Variants in DPH2 observed in about 807,000 individuals in gnomAD.
DPH2 encodes the protein 2-(3-amino-3-carboxypropyl)histidine synthase subunit 2.
In DPH2, 28 loss-of-function variants were observed where a neutral mutation model predicts 42.5. The observed-to-expected ratio is 0.66, with a 90% CI of 0.49 to 0.90. The LOEUF is 0.90. Ranked by LOEUF, DPH2 falls within the 40% of genes least tolerant of loss-of-function variation. DPH2 has a pLI of 0.00. For missense variants in DPH2, 576 were observed against 636.0 expected (o/e 0.91, Z 1.01); for synonymous variants, 279 against 264.4 (o/e 1.06, Z -0.53).
chr1:43,970,167 C>G lies in DPH2; in HGVS notation c.-9C>G. 1.9e-6 allele frequency: 3 copies of G among 1,612,866 alleles called. No individual in the cohort carries two copies. The highest frequency in any genetic ancestry group is 1.7e-5 in the Admixed American group (1 of 59,884). On this transcript the variant is annotated 5_prime_UTR_variant, in exon 1 of 6. Coordinates refer to ENST00000255108, the MANE Select transcript of DPH2 (RefSeq NM_001384.5). ...TCCCCGCTGCATCCCACCACCCAAGCTGTGCCTCATGGAGTCGATGTTTAG... is the reference window on the plus strand; with the variant it reads ...TCCCCGCTGCATCCCACCACCCAAGGTGTGCCTCATGGAGTCGATGTTTAG...
At chr1:43,970,861 T>A in intron 2 of DPH2, 105 bp from the exon 3 acceptor site, 1 of 1,357,536 alleles carries the variant, frequency 7.4e-7, no homozygotes, top group Non-Finnish European at 1.0e-6. Flanking sequence ...ATTGACAATG[T>A]CTTCCTTTAA....
intron 3 of DPH2, 94 bp from the exon 4 acceptor site, chr1:43,971,293 G>A: frequency 6.5e-7 from 1 of 1,530,230 alleles, no homozygotes; most frequent in Non-Finnish European, 8.8e-7. Flanking sequence ...TATGGGCTTG[G>A]CCCCAGCCTA....
rs370141264 is a variant in DPH2 at position 43,970,620 on chromosome 1, C to G, written c.172C>G (p.Leu58Val). The change falls in exon 2 of 6, where the codon CTA (leucine) becomes GTA (valine). Residue 58 changes from leucine (L) to valine (V), a missense_variant. Physicochemically the swap from Leu to Val is conservative, Grantham distance 32. This residue lies in a region of DPH2 where 395 missense variants were observed against 435.2 expected (regional missense o/e 0.91). Transcript: ENST00000255108. Reference sequence around the variant, plus strand: ...GGTTGCCTTGCAGTTCCCTGACCAGCTATTGGGAGATGCTGTGGCTGTGGC... The same window carrying G: ...GGTTGCCTTGCAGTTCCCTGACCAGGTATTGGGAGATGCTGTGGCTGTGGC... Reference protein sequence around the residue: ...ERVALQFPDQLLGDAVAVAAR... With the variant: ...ERVALQFPDQVLGDAVAVAAR... 6.2e-7 allele frequency: 1 copy of G among 1,614,172 alleles called. No homozygotes were observed. Among genetic ancestry groups the G allele is most frequent in the East Asian group, 2.2e-5 (1 of 44,882 alleles).
chr1:43,970,035 A>T lies in DPH2; in HGVS notation c.-141A>T. The T allele has an allele frequency of 1.1e-6, 1 of 924,024 alleles. No homozygotes were observed. Among genetic ancestry groups the T allele is most frequent in the Non-Finnish European group, 1.6e-6 (1 of 628,390 alleles). The allele number at this position is 924,024 out of a possible 1,614,324, so 57.2% of individuals were successfully genotyped here. A position where few individuals can be genotyped will look rare whatever the true frequency, so the allele number is the denominator to read the frequency against. ...AGTAGTTAGGATGGCTGAAGGGGAT[A>T]CTCACCGGCTGAAGGCCGACTGTGA... is the stretch of plus-strand genomic sequence containing the variant. On this transcript the variant is annotated 5_prime_UTR_variant, in exon 1 of 6. Transcript: ENST00000255108.
At chr1:43,970,471 G>C (rs2085395934) in intron 1 of DPH2, 125 bp from the exon 2 acceptor site, 1 of 1,509,290 alleles carries the variant, frequency 6.6e-7, no homozygotes, top group Non-Finnish European at 9.1e-7. Flanking sequence ...CACCTACTAC[G>C]TGGGGCAGAG....
chr1:43,971,563 G>A lies in DPH2; in HGVS notation c.661G>A (p.Gly221Ser), dbSNP rs375192674. Residue 221 changes from glycine to serine, a missense_variant, in exon 4 of 6, where the codon GGC (glycine) becomes AGC (serine). Coordinates refer to ENST00000255108, the MANE Select transcript of DPH2 (RefSeq NM_001384.5). ...LEEYGAFYVG[G>S]SKASPDPDLD... ...AGAGTATGGTGCCTTCTATGTAGGG[G>A]GCTCTAAGGCCAGCCCTGACCCAGA... is the stretch of plus-strand genomic sequence containing the variant. 16 of 1,614,048 alleles carry A rather than the reference G, an allele frequency of 9.9e-6. No homozygotes were observed. The African/African-American group carries it at 2.0e-4, about 20-fold the overall frequency.
At position 43,971,414 on chromosome 1, in the gene DPH2, G is replaced by A. The variant is rs139828073; in HGVS notation, c.512G>A (p.Arg171Gln). ...LEALATLLRPRYLDLLVSSPA... is the reference protein window; with the variant it reads ...LEALATLLRPQYLDLLVSSPA... Reference sequence around the variant, plus strand: ...GCTTTGGCTACTCTCCTGCGCCCACGGTACCTGGACCTGCTAGTCTCCAGC... The same window carrying A: ...GCTTTGGCTACTCTCCTGCGCCCACAGTACCTGGACCTGCTAGTCTCCAGC... Residue 171 changes from arginine to glutamine, a missense_variant, in exon 4 of 6, where the codon CGG becomes CAG. Physicochemically the swap from Arg to Gln is conservative, Grantham distance 43 (BLOSUM62 1). Coordinates refer to ENST00000255108, the MANE Select transcript of DPH2 (RefSeq NM_001384.5). 64 of 1,599,604 alleles carry A rather than the reference G, an allele frequency of 4.0e-5. No individual in the cohort carries two copies. The highest frequency in any genetic ancestry group is 8.8e-5 in the South Asian group (8 of 90,446).
At position 43,972,835 on chromosome 1, in the gene DPH2, TC is replaced by T. The variant is rs1390135824; in HGVS notation, c.*299del. 3 of 339,144 alleles carry T rather than the reference TC, an allele frequency of 8.8e-6. No individual in the cohort carries two copies. The highest frequency in any genetic ancestry group is 1.7e-5 in the Non-Finnish European group (3 of 181,736). 21.0% of individuals were successfully genotyped at this position (339,144 alleles called of 1,614,324 possible). On this transcript the variant is annotated 3_prime_UTR_variant, in exon 6 of 6. Transcript: ENST00000255108. ...AGGGCAGCCCAGGACCTTTGGCCAATCCCAGTTCCCAGGCTGCAGTTGAGGG... is the reference window on the plus strand; with the variant it reads ...AGGGCAGCCCAGGACCTTTGGCCAATCCAGTTCCCAGGCTGCAGTTGAGGG...
At chr1:43,970,531 G>T in intron 1 of DPH2, 65 bp from the exon 2 acceptor site, 3 of 1,579,638 alleles carry the variant, frequency 1.9e-6, no homozygotes, top group Middle Eastern at 3.6e-4. Context: ...GCTCCTGGAA[G>T]ATTGCTTTAA....
chr1:43,972,696 C>A lies in DPH2; in HGVS notation c.*157C>A. On this transcript the variant is annotated 3_prime_UTR_variant, in exon 6 of 6. Transcript: ENST00000255108. ...TTCACAGGATAGGATCCGTCTCTGTCCTGTCCTGGCACTGGCACAAGCTCA... is the reference window on the plus strand; with the variant it reads ...TTCACAGGATAGGATCCGTCTCTGTACTGTCCTGGCACTGGCACAAGCTCA... 9.5e-7 allele frequency: 1 copy of A among 1,050,332 alleles called. No homozygotes were observed. Among genetic ancestry groups the A allele is most frequent in the Non-Finnish European group, 1.4e-6 (1 of 731,998 alleles). The allele number at this position is 1,050,332 out of a possible 1,614,324, so 65.1% of individuals were successfully genotyped here.
In DPH2 at chr1:43,972,217, G is replaced by T. The variant is rs754644091; in HGVS notation, c.1228G>T (p.Val410Leu). 6.2e-7 allele frequency: 1 copy of T among 1,614,158 alleles called. No individual in the cohort carries two copies. Among genetic ancestry groups the T allele is most frequent in the Non-Finnish European group, 8.5e-7 (1 of 1,180,026 alleles). ...GTCAGAGCTGTGGGAAACCCCAGACGTGTCACTCATTACTGGAGATCTCCG... is the reference window on the plus strand; with the variant it reads ...GTCAGAGCTGTGGGAAACCCCAGACTTGTCACTCATTACTGGAGATCTCCG... ...PESELWETPD[V>L]SLITGDLRPP... The change falls in exon 5 of 6, where the codon GTG becomes TTG. Residue 410 changes from valine to leucine, a missense_variant. Val to Leu is a conservative substitution (Grantham distance 32, BLOSUM62 1). Transcript: ENST00000255108.
intron 5 of DPH2, 21 bp downstream of exon 5, chr1:43,972,355 T>C (rs2085452197): frequency 1.2e-6 from 2 of 1,613,486 alleles, no homozygotes; most frequent in African/African-American, 2.7e-5. Context: ...AAGTCTCCAC[T>C]CCCAGCTGAG....
At position 43,971,698 on chromosome 1, in the gene DPH2, C is replaced by T. The variant is rs200730877; in HGVS notation, c.796C>T (p.Arg266Trp). 56 of 1,613,488 alleles carry T rather than the reference C, an allele frequency of 3.5e-5. No homozygotes were observed. The highest frequency in any genetic ancestry group is 3.3e-4 in the Middle Eastern group (2 of 6,062). Residue 266 changes from arginine (R) to tryptophan (W), a missense_variant, in exon 4 of 6, where the codon CGG becomes TGG. By Grantham distance (101) the Arg-to-Trp change is moderately radical (BLOSUM62 -3). Around this residue, in one of 3 missense-constraint regions of DPH2, gnomAD observed 395 missense variants for 435.2 expected, o/e 0.91. Coordinates refer to ENST00000255108, the MANE Select transcript of DPH2 (RefSeq NM_001384.5). ...TCAGGATGAGGGTGCCCGGGCTGGA[C>T]GGCTAAGGGCACGAAGACGATATCT... ...KTQDEGARAG[R>W]LRARRRYLVE... is the part of the protein sequence containing the mutation.
chr1:43,970,015 T>C lies in DPH2; in HGVS notation c.-161T>C. 1.3e-6 allele frequency: 1 copy of C among 793,144 alleles called. No homozygotes were observed. Among genetic ancestry groups the C allele is most frequent in the South Asian group, 1.9e-5 (1 of 53,796 alleles). The allele number at this position is 793,144 out of a possible 1,614,324, so 49.1% of individuals were successfully genotyped here. ...CCCACGTGTAGCGGAGAAACAGTAG[T>C]TAGGATGGCTGAAGGGGATACTCAC... On this transcript the variant is annotated 5_prime_UTR_variant, in exon 1 of 6. Transcript: ENST00000255108.
In DPH2 at chr1:43,970,245, A is replaced by C; in HGVS notation, c.70A>C (p.Thr24Pro). ...QRETGVPGLL[T>P]PLPDLDGVYE... ...AGAGACCGGGGTGCCAGGACTGCTT[A>C]CTCCTCTTCCGGACCTGGACGGAGT... is the stretch of plus-strand genomic sequence containing the variant. The change falls in exon 1 of 6, where the codon ACT becomes CCT. Residue 24 changes from threonine to proline, a missense_variant. By Grantham distance (38) the Thr-to-Pro change is conservative. This residue lies in a region of DPH2 where 395 missense variants were observed against 435.2 expected (regional missense o/e 0.91). Coordinates refer to ENST00000255108, the MANE Select transcript of DPH2 (RefSeq NM_001384.5). 1 of 1,614,026 alleles carries C rather than the reference A, an allele frequency of 6.2e-7. No individual in the cohort carries two copies. The highest frequency in any genetic ancestry group is 8.5e-7 in the Non-Finnish European group (1 of 1,180,006).
chr1:43,972,852 C>T lies in DPH2; in HGVS notation c.*313C>T. 1 of 325,262 alleles carries T rather than the reference C, an allele frequency of 3.1e-6. No individual in the cohort carries two copies. Among genetic ancestry groups the T allele is most frequent in the Non-Finnish European group, 5.8e-6 (1 of 172,410 alleles). 20.1% of individuals were successfully genotyped at this position (325,262 alleles called of 1,614,324 possible). A position where few individuals can be genotyped will look rare whatever the true frequency, so the allele number is the denominator to read the frequency against. ...TTGGCCAATCCCAGTTCCCAGGCTG[C>T]AGTTGAGGGTCTGTCCTTGTCAAAA... On this transcript the variant is annotated 3_prime_UTR_variant, in exon 6 of 6. Coordinates refer to ENST00000255108, the MANE Select transcript of DPH2 (RefSeq NM_001384.5).
intron 5 of DPH2, 21 bp from the exon 6 acceptor site, chr1:43,972,394 C>T (rs752386249): frequency 1.2e-6 from 2 of 1,613,946 alleles, no homozygotes; most frequent in South Asian, 1.1e-5. Flanking sequence ...CGCACTCAGA[C>T]TGAGCCCCCT....
At position 43,972,607 on chromosome 1, in the gene DPH2, C is replaced by T; in HGVS notation, c.*68C>T. The stretch of plus-strand genomic sequence containing the variant: ...GCTAGGACCTTTAGTGCTCCCTGCA[C>T]CAACCTCCCATCCCCCTGCCAAGAT... On this transcript the variant is annotated 3_prime_UTR_variant, in exon 6 of 6. Transcript: ENST00000255108. 6.3e-7 allele frequency: 1 copy of T among 1,587,386 alleles called. No homozygotes were observed. The highest frequency in any genetic ancestry group is 8.6e-7 in the Non-Finnish European group (1 of 1,164,242).
In DPH2 at chr1:43,970,210, C is replaced by T. The variant is rs764794496; in HGVS notation, c.35C>T (p.Ala12Val). Residue 12 changes from alanine (A) to valine (V), a missense_variant, in exon 1 of 6, where the codon GCG becomes GTG. By Grantham distance (64) the Ala-to-Val change is moderately conservative. Around this residue, in one of 3 missense-constraint regions of DPH2, gnomAD observed 395 missense variants for 435.2 expected, o/e 0.91. Transcript: ENST00000255108. ...ATGTTTAGCAGCCCTGCCGAGGCGGCGCTGCAGCGAGAGACCGGGGTGCCA... is the reference window on the plus strand; with the variant it reads ...ATGTTTAGCAGCCCTGCCGAGGCGGTGCTGCAGCGAGAGACCGGGGTGCCA... The part of the protein sequence containing the change: ...ESMFSSPAEA[A>V]LQRETGVPGL... The T allele has an allele frequency of 6.2e-7, 1 of 1,614,140 alleles. No individual in the cohort carries two copies. Among genetic ancestry groups the T allele is most frequent in the Non-Finnish European group, 8.5e-7 (1 of 1,179,980 alleles).
Sources: allele counts gnomAD v4.1 joint callset, GRCh38; gene constraint gnomAD v4.1.1; regional missense constraint gnomAD v4.1.1; transcripts MANE v1.5; gene names NCBI Gene and HGNC (gene_info 2026-07-23, HGNC 2026-07-21).